The following MAPK10 variants were observed in gnomAD, a reference collection of about 807,000 sequenced individuals.
The protein encoded by MAPK10 is mitogen-activated protein kinase 10, also known as JNK3 alpha protein kinase.
Under a neutral mutation model 59.3 loss-of-function variants are expected in MAPK10, and 25 were observed. The observed-to-expected ratio is 0.42, with a 90% CI of 0.31 to 0.59. The LOEUF (loss-of-function observed/expected upper bound fraction) is 0.59, where lower values mean the gene tolerates loss of function less well. Ranked by LOEUF, MAPK10 falls within the 20% of genes least tolerant of loss-of-function variation. The pLI is 0.15. For missense variants in MAPK10, 351 were observed against 568.9 expected, an observed-to-expected ratio of 0.62 and a Z score of 3.90; for synonymous variants, 190 against 200.5, an observed-to-expected ratio of 0.95 and a Z score of 0.44.
chr4:86,354,565 G>A lies in MAPK10; in HGVS notation c.-42C>T. The A allele has an allele frequency of 1.6e-6, 2 of 1,231,246 alleles. No homozygotes were observed. Among genetic ancestry groups the A allele is most frequent in the Non-Finnish European group, 2.0e-6 (2 of 987,248 alleles). The allele number at this position is 1,231,246 out of a possible 1,614,324, so 76.3% of individuals were successfully genotyped here. ...ATGGTTTCTCATCTATAGGAAACGG[G>A]TCTAATTCAACAGTTTCTTGCATAA... On this transcript the variant is annotated 5_prime_UTR_variant, in exon 2 of 14. Coordinates refer to ENST00000641462, the MANE Select transcript of MAPK10 (RefSeq NM_138982.4).
At chr4:86,265,983 G>T (rs149209067) in intron 2 of MAPK10, among the ~76,000 whole-genome samples, 1 of 152,202 alleles carries the variant, frequency 6.6e-6, no homozygotes, top group East Asian at 1.9e-4. Flanking sequence ...CAGCATTTTC[G>T]CATCTAACAA....
intron 4 of MAPK10, among the ~76,000 whole-genome samples, chr4:86,155,932 A>G (rs2067643336): frequency 6.6e-6 from 1 of 152,182 alleles, no homozygotes; most frequent in South Asian, 2.1e-4. Context: ...CCACTAAGTG[A>G]CCAACAGGTG....
intron 2 of MAPK10, among the ~76,000 whole-genome samples, chr4:86,270,360 T>G (rs1274562341): frequency 6.6e-6 from 1 of 150,860 alleles, no homozygotes; most frequent in Non-Finnish European, 1.5e-5. Context: ...GAGCAATGAA[T>G]GAAAAAAAAT....
intron 2 of MAPK10, among the ~76,000 whole-genome samples, chr4:86,258,239 TC>T (rs2093834643): frequency 6.6e-6 from 1 of 152,100 alleles, no homozygotes; most frequent in African/African-American, 2.4e-5. Context: ...TAGACGAAAG[TC>T]ATCATTTGCC....
At chr4:86,496,487 G>C (rs1754880377) in intron 1 of MAPK10, among the ~76,000 whole-genome samples, 2 of 152,088 alleles carry the variant, frequency 1.3e-5, no homozygotes, top group South Asian at 4.1e-4. Context: ...TAATGCAAAG[G>C]AAAAATACAG....
At chr4:86,590,160 TA>T (rs1237788362) in intron 1 of MAPK10, among the ~76,000 whole-genome samples, 2 of 152,008 alleles carry the variant, frequency 1.3e-5, no homozygotes, top group Admixed American at 1.3e-4. Context: ...ATTATGAAGT[TA>T]AAAAATCAAT....
chr4:86,363,109 T>A (rs1216113608), upstream of MAPK10, among the ~76,000 whole-genome samples: 1 of 152,080 alleles, frequency 6.6e-6, no homozygotes, highest in Non-Finnish European at 1.5e-5. Context: ...GGGTTCCACA[T>A]CTGTAGATTC....
chr4:86,358,176 A>G, intron 1 of MAPK10: 3 of 981,896 alleles, frequency 3.1e-6, no homozygotes, highest in Non-Finnish European at 3.6e-6. Flanking sequence ...TTATATATTT[A>G]TTTGTTATAT....
At chr4:86,472,474 A>G (rs1040455474) in intron 1 of MAPK10, among the ~76,000 whole-genome samples, 5 of 152,196 alleles carry the variant, frequency 3.3e-5, no homozygotes, top group African/African-American at 1.2e-4. Flanking sequence ...GCAAAACCCC[A>G]TCTCTACAAG....
chr4:86,132,250 T>C (rs2061144893), intron 4 of MAPK10, among the ~76,000 whole-genome samples: 1 of 152,236 alleles, frequency 6.6e-6, no homozygotes, highest in Non-Finnish European at 1.5e-5. Context: ...TTATTACTGA[T>C]GTATGTTGAG....
chr4:86,451,422 T>G (rs1052411842), intron 1 of MAPK10, among the ~76,000 whole-genome samples: 14 of 152,152 alleles, frequency 9.2e-5, no homozygotes, highest in African/African-American at 3.4e-4. Context: ...GGTAATAACA[T>G]GAAGAATAAC....
chr4:86,117,213 A>G (rs1309694747), intron 4 of MAPK10, among the ~76,000 whole-genome samples: 1 of 152,272 alleles, frequency 6.6e-6, no homozygotes, highest in East Asian at 1.9e-4. Flanking sequence ...GTTCAAGACC[A>G]GCATGGGCAA....
At chr4:86,329,712 T>C (rs974857762) in intron 2 of MAPK10, among the ~76,000 whole-genome samples, 1 of 152,200 alleles carries the variant, frequency 6.6e-6, no homozygotes, top group Non-Finnish European at 1.5e-5. Context: ...CTTTCTTCCT[T>C]AGGCTTGCTG....
intron 1 of MAPK10, among the ~76,000 whole-genome samples, chr4:86,503,247 C>G (rs745967453): frequency 6.6e-6 from 1 of 152,056 alleles, no homozygotes; most frequent in African/African-American, 2.4e-5. Context: ...TTGTCTCTGG[C>G]TCTATATTCC....
At chr4:86,211,117 A>T (rs2085677108) in intron 2 of MAPK10, among the ~76,000 whole-genome samples, 2 of 152,004 alleles carry the variant, frequency 1.3e-5, no homozygotes, top group Non-Finnish European at 1.5e-5. Flanking sequence ...ACCAACTTAC[A>T]CATTGTGGAG....
chr4:86,136,460 A>C (rs970896071), intron 4 of MAPK10, among the ~76,000 whole-genome samples: 5 of 151,210 alleles, frequency 3.3e-5, no homozygotes, highest in Non-Finnish European at 7.3e-5. Flanking sequence ...AGGAGAAATA[A>C]AATACTTTAC....
chr4:86,360,167 G>A, upstream of MAPK10: 2 of 986,050 alleles, frequency 2.0e-6, no homozygotes, highest in Non-Finnish European at 2.4e-6. Context: ...GGATGAGGGG[G>A]AAACAGAAAG....
intron 1 of MAPK10, chr4:86,370,764 A>T (rs1005546443): frequency 6.6e-6 from 1 of 152,202 alleles, no homozygotes; most frequent in African/African-American, 2.4e-5. Flanking sequence ...TCTCAGTTCC[A>T]CTGTGACTAT....
At chr4:86,572,985 T>G (rs925354587) in intron 1 of MAPK10, among the ~76,000 whole-genome samples, 1 of 152,212 alleles carries the variant, frequency 6.6e-6, no homozygotes, top group Admixed American at 6.5e-5. Context: ...AAAAAATGAA[T>G]TGTTTTCTTT....
Sources: gnomAD v4.1 joint callset for allele counts (sites outside exome capture counted in the v4.1 genomes callset) on GRCh38, gnomAD v4.1.1 for gene constraint, MANE v1.5 for transcripts, NCBI Gene and HGNC (gene_info 2026-07-23, HGNC 2026-07-21) for gene names.